CACNA1E: variants seen among roughly 807,000 people sequenced by gnomAD.
CACNA1E encodes calcium voltage-gated channel subunit alpha1 E, also known as voltage-dependent R-type calcium channel subunit alpha-1E.
Under a neutral mutation model 259.2 loss-of-function variants are expected in CACNA1E, and 40 were observed. That is an observed-to-expected ratio of 0.15 (90% CI 0.12 to 0.20). The LOEUF (loss-of-function observed/expected upper bound fraction) is 0.20, where lower values mean the gene tolerates loss of function less well. CACNA1E is among the 10% of genes least tolerant of loss of function. The pLI, the probability that CACNA1E is intolerant of heterozygous loss-of-function variation, is 1.00. For missense variants in CACNA1E, 1,874 were observed against 3,040.1 expected, an observed-to-expected ratio of 0.62 and a Z score of 9.02; for synonymous variants, 1,104 against 1,138.5, an observed-to-expected ratio of 0.97 and a Z score of 0.61.
intron 3 of CACNA1E, among the ~76,000 whole-genome samples, chr1:181,561,239 TTATGTATAG>T (rs1263551885): frequency 6.6e-6 from 1 of 152,176 alleles, no homozygotes; most frequent in Non-Finnish European, 1.5e-5. Context: ...AAATTTCATG[TTATGTATAG>T]TTTACCACAA....
intron 1 of CACNA1E, among the ~76,000 whole-genome samples, chr1:181,405,974 A>G (rs1039119967): frequency 5.3e-5 from 8 of 152,216 alleles, no homozygotes; most frequent in African/African-American, 1.9e-4. Context: ...CCATTTGTTT[A>G]TATATTGTCT....
chr1:181,360,874 C>A (rs772783349), intron 1 of CACNA1E, among the ~76,000 whole-genome samples: 1 of 151,828 alleles, frequency 6.6e-6, no homozygotes, highest in Non-Finnish European at 1.5e-5. Context: ...ACAACTATAT[C>A]TTTTCCAAGA....
intron 35 of CACNA1E, among the ~76,000 whole-genome samples, chr1:181,767,728 G>T (rs1028598377): frequency 6.6e-6 from 1 of 152,218 alleles, no homozygotes; most frequent in Admixed American, 6.5e-5. Context: ...TGTGAGACTT[G>T]GTTGAGAAGT....
At chr1:181,550,388 A>G (rs1647998111) in intron 3 of CACNA1E, among the ~76,000 whole-genome samples, 1 of 152,052 alleles carries the variant, frequency 6.6e-6, no homozygotes, top group African/African-American at 2.4e-5. Context: ...CTGTGTGGAC[A>G]CCTCGATTCA....
chr1:181,529,380 G>T (rs910366849), intron 3 of CACNA1E, among the ~76,000 whole-genome samples: 8 of 152,240 alleles, frequency 5.3e-5, no homozygotes, highest in African/African-American at 1.4e-4. Flanking sequence ...CTCTGCTAGG[G>T]CAGTGTGGAA....
intron 1 of CACNA1E, among the ~76,000 whole-genome samples, chr1:181,403,689 G>A (rs1342518998): frequency 6.6e-6 from 1 of 152,144 alleles, no homozygotes; most frequent in Non-Finnish European, 1.5e-5. Context: ...AATTTTGCAG[G>A]TGAATATGGG....
intron 1 of CACNA1E, among the ~76,000 whole-genome samples, chr1:181,507,294 C>G (rs4652661): frequency 6.6e-6 from 1 of 152,124 alleles, no homozygotes; most frequent in African/African-American, 2.4e-5. Flanking sequence ...CTCATCAGCA[C>G]CTGGGCCAAG....
At chr1:181,507,891 C>A (rs1224858815) in intron 1 of CACNA1E, among the ~76,000 whole-genome samples, 1 of 152,106 alleles carries the variant, frequency 6.6e-6, no homozygotes, top group African/African-American at 2.4e-5. Context: ...GAGGAGTGAC[C>A]AGGTGAGCCC....
intron 3 of CACNA1E, among the ~76,000 whole-genome samples, chr1:181,525,222 A>G (rs595265): frequency 0.15 from 23,304 of 152,206 alleles, 1,998 homozygotes; most frequent in African/African-American, 0.22. Context: ...CTTTCATTGA[A>G]TGGGTCCCAT....
chr1:181,524,472 A>G (rs1363412794), intron 3 of CACNA1E, among the ~76,000 whole-genome samples: 1 of 152,216 alleles, frequency 6.6e-6, no homozygotes, highest in East Asian at 1.9e-4. Flanking sequence ...TACTAGATTA[A>G]GCAGGGCTAG....
At chr1:181,444,880 A>T (rs911475285) in intron 2 of CACNA1E, among the ~76,000 whole-genome samples, 2 of 151,808 alleles carry the variant, frequency 1.3e-5, no homozygotes, top group East Asian at 3.9e-4. Flanking sequence ...GGTTGCTCCC[A>T]CCTCTGGGGT....
chr1:181,557,946 G>A (rs2102872273), intron 3 of CACNA1E, among the ~76,000 whole-genome samples: 1 of 152,344 alleles, frequency 6.6e-6, no homozygotes, highest in East Asian at 1.9e-4. Context: ...GACTGCCTCT[G>A]CAGTGTTTTT....
rs199684172 is a variant in CACNA1E at position 181,790,463 on chromosome 1, C to T, written c.5805C>T (p.Tyr1935=). ...PVSGLSGRSG[Y]PSMSPLSPQD... ...TTTTCAGGAGTGGCCGGAGTGGATA[C>T]CCTTCGATGAGTCCACTCTCTCCCC... Residue 1935 remains tyrosine (Y), a synonymous_variant, in exon 44 of 48, where the codon TAC becomes TAT. Transcript: ENST00000367573. 11 of 1,611,042 alleles carry T rather than the reference C, an allele frequency of 6.8e-6. No homozygotes were observed. The African/African-American group carries it at 1.2e-4, about 18-fold the overall frequency.
rs370195946 is a variant in CACNA1E, at chr1:181,483,911, T to C, written c.167T>C (p.Ile56Thr). ...RARTMALYNP[I>T]PVRQNCFTVN... ...CGGACTATGGCTTTGTACAACCCCA[T>C]TCCCGTCCGGCAGAACTGTTTCACC... Residue 56 changes from isoleucine to threonine, a missense_variant, in exon 1 of 48, where the codon ATT becomes ACT. Transcript: ENST00000367573. 1 of 1,613,586 alleles carries C rather than the reference T, an allele frequency of 6.2e-7. No homozygotes were observed. Among genetic ancestry groups the C allele is most frequent in the Non-Finnish European group, 8.5e-7 (1 of 1,179,716 alleles).
intron 2 of CACNA1E, among the ~76,000 whole-genome samples, chr1:181,438,098 A>G (rs1273369019): frequency 6.6e-6 from 1 of 152,110 alleles, no homozygotes; most frequent in Non-Finnish European, 1.5e-5. Flanking sequence ...CAGTTAAGGG[A>G]GGTGTGTGGT....
rs533568992 is a variant in CACNA1E, at chr1:181,434,018, C to T, written c.434+20438C>T. Reference sequence around the variant, plus strand: ...GGAGACCGGCATGTTTGCATTTCCACGCTCATTGGTCTAGGTGAGGCTTCC... The same window carrying T: ...GGAGACCGGCATGTTTGCATTTCCATGCTCATTGGTCTAGGTGAGGCTTCC... On this transcript the variant is annotated intron_variant, in intron 2 of 11. Transcript: ENST00000524607. Among the ~76,000 whole-genome samples the T allele has an allele frequency of 3.3e-5, 5 of 152,298 alleles. No homozygotes were observed. The South Asian group carries it at 6.2e-4, about 19-fold the overall frequency.
At chr1:181,478,449 T>A (rs1663007177) in intron 2 of CACNA1E, among the ~76,000 whole-genome samples, 1 of 152,212 alleles carries the variant, frequency 6.6e-6, no homozygotes, top group South Asian at 2.1e-4. Flanking sequence ...GCTCCTCTGC[T>A]CCACTATGCA....
intron 5 of CACNA1E, 23 bp from the exon 6 acceptor site, chr1:181,580,572 C>T: frequency 6.2e-7 from 1 of 1,611,000 alleles, no homozygotes; most frequent in Non-Finnish European, 8.5e-7. Flanking sequence ...GATTTATCTC[C>T]TACCCTCCAA....
rs578096489 is a variant in CACNA1E, at chr1:181,616,997, C to A, written c.952-34341C>A. On this transcript the variant is annotated intron_variant, in intron 6 of 47. Coordinates refer to ENST00000367573, the MANE Select transcript of CACNA1E (RefSeq NM_001205293.3). ...TCTCCTTATTATCTTTTAAAACATT[C>A]ATAGGATCTGTAGTGATGTCCTTTT... 2.2e-4 allele frequency among the ~76,000 whole-genome samples: 34 copies of A among 152,264 alleles called. No individual in the cohort carries two copies. In the South Asian group the frequency reaches 4.1e-3, roughly 19 times the overall value.
Sources: allele counts gnomAD v4.1 joint callset (sites outside exome capture counted in the v4.1 genomes callset), GRCh38; gene constraint gnomAD v4.1.1; transcripts MANE v1.5; gene names NCBI Gene and HGNC (gene_info 2026-07-23, HGNC 2026-07-21).